The following TBXT variants were observed in gnomAD, a reference collection of about 807,000 sequenced individuals.
The protein encoded by TBXT is T brachyury transcription factor.
A neutral mutation model predicts 41.1 loss-of-function variants in TBXT; 19 were observed. The observed-to-expected ratio is 0.46, with a 90% CI of 0.32 to 0.68. The LOEUF (loss-of-function observed/expected upper bound fraction) is 0.68, where lower values mean the gene tolerates loss of function less well. TBXT is among the 30% of genes least tolerant of loss of function. The probability of loss-of-function intolerance (pLI) is 0.03; values close to 1 mark genes in which losing one functional copy is unlikely to be tolerated. For missense variants in TBXT, 536 were observed against 582.0 expected (o/e 0.92, Z 0.81); for synonymous variants, 213 against 238.9 (o/e 0.89, Z 1.00).
rs1562387928 is a variant in TBXT, at chr6:166,162,509, G to C, written c.845C>G (p.Thr282Ser). The C allele has an allele frequency of 1.9e-6, 3 of 1,614,170 alleles. No homozygotes were observed. Residue 282 changes from threonine to serine, a missense_variant, in exon 6 of 8, where the codon ACC becomes AGC. Thr to Ser is a moderately conservative substitution (Grantham distance 58). Transcript: ENST00000366876. ...GGGTGAGGACCGGTGGCTCCTCAGG[G>C]TTGGGTACCTGTCACAGCTGTGCGT... ...PSTHSCDRYPTLRSHRSSPYP... is the reference protein window; with the variant it reads ...PSTHSCDRYPSLRSHRSSPYP...
chr6:166,167,784 C>G lies in TBXT; in HGVS notation c.-193G>C, dbSNP rs1451658126. 5 of 660,186 alleles carry G rather than the reference C, an allele frequency of 7.6e-6. No individual in the cohort carries two copies. The highest frequency in any genetic ancestry group is 1.3e-5 in the Non-Finnish European group (5 of 385,282). 40.9% of individuals were successfully genotyped at this position (660,186 alleles called of 1,614,324 possible). A position where few individuals can be genotyped will look rare whatever the true frequency, so the allele number is the denominator to read the frequency against. ...CGGACCAAGACTTGGGGGGAGGGGACGGGGGCAGAGGGGTGGGGAGAAGTT... is the reference window on the plus strand; with the variant it reads ...CGGACCAAGACTTGGGGGGAGGGGAGGGGGGCAGAGGGGTGGGGAGAAGTT... On this transcript the variant is annotated 5_prime_UTR_variant, in exon 1 of 8. Transcript: ENST00000366876.
Position 166,158,252 on chromosome 6 carries a change from CA to C in TBXT, c.*62del. On this transcript the variant is annotated 3_prime_UTR_variant, in exon 8 of 8. Coordinates refer to ENST00000366876, the MANE Select transcript of TBXT (RefSeq NM_001366285.2). ...CCACTGGGTACCTAGTAGGTCAATC[CA>C]GTCACCACTGGCTGCCACGACAAAA... 6.2e-7 allele frequency: 1 copy of C among 1,613,208 alleles called. No individual in the cohort carries two copies. The highest frequency in any genetic ancestry group is 1.1e-5 in the South Asian group (1 of 90,952).
intron 2 of TBXT, among the ~76,000 whole-genome samples, chr6:166,166,235 G>A (rs960611374): frequency 6.6e-6 from 1 of 152,190 alleles, no homozygotes; most frequent in African/African-American, 2.4e-5. Flanking sequence ...GACTTTACAA[G>A]TTTGTTCCGA....
chr6:166,163,243 G>A (rs1034298908), intron 5 of TBXT, among the ~76,000 whole-genome samples: 8 of 152,196 alleles, frequency 5.3e-5, no homozygotes, highest in South Asian at 2.1e-4. Context: ...CCACAGAGAC[G>A]GGAGGTGCCT....
rs1306966391 is a variant in TBXT at position 166,167,627 on chromosome 6, G to A, written c.-36C>T. 2 of 1,538,722 alleles carry A rather than the reference G, an allele frequency of 1.3e-6. No individual in the cohort carries two copies. The highest frequency in any genetic ancestry group is 4.9e-5 in the East Asian group (2 of 40,892). ...GGCTCCCCTCCCCGCCGTCCCCGAA[G>A]CCCAGACTCGCTACCTGAGATCCAC... On this transcript the variant is annotated 5_prime_UTR_variant, in exon 1 of 8. Coordinates refer to ENST00000366876, the MANE Select transcript of TBXT (RefSeq NM_001366285.2).
Position 166,167,760 on chromosome 6 carries a change from G to C in TBXT, c.-169C>G. 1.3e-6 allele frequency: 1 copy of C among 791,570 alleles called. No individual in the cohort carries two copies. The highest frequency in any genetic ancestry group is 1.7e-5 in the South Asian group (1 of 59,888). 49.0% of individuals were successfully genotyped at this position (791,570 alleles called of 1,614,324 possible). A position where few individuals can be genotyped will look rare whatever the true frequency, so the allele number is the denominator to read the frequency against. On this transcript the variant is annotated 5_prime_UTR_variant, in exon 1 of 8. Transcript: ENST00000366876. ...CGGCACAGACCCGGGAGGAGGGCGC[G>C]GACCAAGACTTGGGGGGAGGGGACG...
chr6:166,162,510 T>C lies in TBXT; in HGVS notation c.844A>G (p.Thr282Ala), dbSNP rs776366565. Residue 282 changes from threonine to alanine, a missense_variant, in exon 6 of 8, where the codon ACC (threonine) becomes GCC (alanine). Transcript: ENST00000366876. Reference sequence around the variant, plus strand: ...GGTGAGGACCGGTGGCTCCTCAGGGTTGGGTACCTGTCACAGCTGTGCGTG... The same window carrying C: ...GGTGAGGACCGGTGGCTCCTCAGGGCTGGGTACCTGTCACAGCTGTGCGTG... ...PSTHSCDRYP[T>A]LRSHRSSPYP... The C allele has an allele frequency of 6.2e-7, 1 of 1,613,980 alleles. No homozygotes were observed. The highest frequency in any genetic ancestry group is 1.1e-5 in the South Asian group (1 of 91,056).
chr6:166,159,826 G>C (rs576559690), intron 7 of TBXT, among the ~76,000 whole-genome samples: 1 of 152,176 alleles, frequency 6.6e-6, no homozygotes, highest in African/African-American at 2.4e-5. Context: ...GAGACCCTCG[G>C]GTGGGGCCTC....
In TBXT at chr6:166,165,838, G is replaced by A; in HGVS notation, c.474C>T (p.Ile158=). The change falls in exon 3 of 8, where the codon ATC becomes ATT. Residue 158 remains isoleucine, a splice_region_variant and synonymous_variant. Coordinates refer to ENST00000366876, the MANE Select transcript of TBXT (RefSeq NM_001366285.2). The part of the protein sequence containing the change: ...LTNKLNGGGQ[I]MLNSLHKYEP... Reference sequence around the variant, plus strand: ...CATACTTATGCAAGGAGTTCAGCATGATCTGAGGGAGACAGATACAGGATT... The same window carrying A: ...CATACTTATGCAAGGAGTTCAGCATAATCTGAGGGAGACAGATACAGGATT... The A allele has an allele frequency of 6.2e-7, 1 of 1,614,176 alleles. No homozygotes were observed. The highest frequency in any genetic ancestry group is 8.5e-7 in the Non-Finnish European group (1 of 1,180,024).
At chr6:166,168,128 G>A (rs575292270), upstream of TBXT, among the ~76,000 whole-genome samples, 15 of 151,830 alleles carry the variant, frequency 9.9e-5, no homozygotes, top group South Asian at 3.1e-3. Flanking sequence ...CCATCAAAGC[G>A]GCGGGGCAAG....
Position 166,167,845 on chromosome 6 carries a change from G to A in TBXT, c.-254C>T, listed in dbSNP as rs550696843. ...AACTCCCCAAGGCTCTACTAGTGTA[G>A]GTCTCTGGGGACCGAAATTCAGTGC... On this transcript the variant is annotated 5_prime_UTR_variant, in exon 1 of 8. Coordinates refer to ENST00000366876, the MANE Select transcript of TBXT (RefSeq NM_001366285.2). 59 of 575,350 alleles carry A rather than the reference G, an allele frequency of 1.0e-4. 1 individual carries two copies. The South Asian group carries it at 1.2e-3, about 12-fold the overall frequency. The allele number at this position is 575,350 out of a possible 1,614,324, so 35.6% of individuals were successfully genotyped here.
chr6:166,158,250 T>A lies in TBXT; in HGVS notation c.*65A>T. On this transcript the variant is annotated 3_prime_UTR_variant, in exon 8 of 8. Coordinates refer to ENST00000366876, the MANE Select transcript of TBXT (RefSeq NM_001366285.2). ...TGCCACTGGGTACCTAGTAGGTCAA[T>A]CCAGTCACCACTGGCTGCCACGACA... 1 of 1,612,282 alleles carries A rather than the reference T, an allele frequency of 6.2e-7. No individual in the cohort carries two copies. Among genetic ancestry groups the A allele is most frequent in the Admixed American group, 1.7e-5 (1 of 60,026 alleles).
At chr6:166,163,673 C>T (rs1003376198) in intron 5 of TBXT, among the ~76,000 whole-genome samples, 3 of 152,138 alleles carry the variant, frequency 2.0e-5, no homozygotes, top group Non-Finnish European at 2.9e-5. Flanking sequence ...CGTGAGCCAC[C>T]GTGCCCGTCC....
chr6:166,163,829 C>T (rs907480992), intron 5 of TBXT, among the ~76,000 whole-genome samples: 5 of 152,254 alleles, frequency 3.3e-5, no homozygotes, highest in Non-Finnish European at 4.4e-5. Context: ...GGCTGCCCAG[C>T]CGGCCCTGGC....
chr6:166,163,398 C>T (rs1318972043), intron 5 of TBXT, among the ~76,000 whole-genome samples: 2 of 152,058 alleles, frequency 1.3e-5, no homozygotes, highest in Non-Finnish European at 2.9e-5. Context: ...TTTTTCTCCT[C>T]TGAGACTGGG....
chr6:166,158,309 G>C lies in TBXT; in HGVS notation c.*6C>G, dbSNP rs755431891. On this transcript the variant is annotated 3_prime_UTR_variant, in exon 8 of 8. Transcript: ENST00000366876. ...CTGCATCTTTCGGGACCTGGGCCTT[G>C]CTGCTTCACATGGAAGGTGGCGACA... The C allele has an allele frequency of 6.2e-7, 1 of 1,614,244 alleles. No individual in the cohort carries two copies. Among genetic ancestry groups the C allele is most frequent in the Non-Finnish European group, 8.5e-7 (1 of 1,180,046 alleles).
At position 166,160,948 on chromosome 6, in the gene TBXT, G is replaced by A. The variant is rs1481152124; in HGVS notation, c.926C>T (p.Pro309Leu). 6.2e-7 allele frequency: 1 copy of A among 1,614,058 alleles called. No homozygotes were observed. The highest frequency in any genetic ancestry group is 1.1e-5 in the South Asian group (1 of 91,076). Residue 309 changes from proline to leucine, a missense_variant, in exon 7 of 8, where the codon CCT becomes CTT. Pro to Leu is a moderately conservative substitution (Grantham distance 98, BLOSUM62 -3). Coordinates refer to ENST00000366876, the MANE Select transcript of TBXT (RefSeq NM_001366285.2). ...NNSPTYSDNS[P>L]ACLSMLQSHD... ...GGATTGCAGCATGGATAAACATGCA[G>A]GTGAGTTGTCAGAATAGGCTAAGGG...
chr6:166,160,103 T>C (rs1778907997), intron 7 of TBXT, among the ~76,000 whole-genome samples: 1 of 152,220 alleles, frequency 6.6e-6, no homozygotes, highest in Non-Finnish European at 1.5e-5. Context: ...GGTCCAATCA[T>C]TTAATATCTC....
chr6:166,166,977 G>C (rs1779137640), intron 1 of TBXT, 121 bp from the exon 2 acceptor site: 1 of 1,528,834 alleles, frequency 6.5e-7, no homozygotes, highest in Admixed American at 1.7e-5. Flanking sequence ...GGGAACGTCC[G>C]AGGGTGACTC....
Sources: allele counts gnomAD v4.1 joint callset (sites outside exome capture counted in the v4.1 genomes callset), GRCh38; gene constraint gnomAD v4.1.1; transcripts MANE v1.5; gene names NCBI Gene and HGNC (gene_info 2026-07-23, HGNC 2026-07-21).